Variants in USP40 observed in about 807,000 individuals in gnomAD.
USP40 encodes the protein ubiquitin specific peptidase 40.
Under a neutral mutation model 166.2 loss-of-function variants are expected in USP40, and 143 were observed. That is an observed-to-expected ratio of 0.86 (90% CI 0.75 to 0.99). The LOEUF is 0.99. Among genes scored for constraint, USP40 ranks in the 50% least tolerant of loss-of-function variants. The pLI, the probability that USP40 is intolerant of heterozygous loss-of-function variation, is 0.00. For synonymous variants in USP40, 498 were observed against 524.0 expected (o/e 0.95, Z 0.68); for missense variants, 1,444 against 1,479.7 (o/e 0.98, Z 0.40).
At chr2:233,555,921 T>C (rs2071038704) in intron 5 of USP40, among the ~76,000 whole-genome samples, 1 of 152,128 alleles carries the variant, frequency 6.6e-6, no homozygotes, top group South Asian at 2.1e-4. Context: ...GAGACCATCC[T>C]GGCTAACATG....
rs1406354485 is a variant in USP40, at chr2:233,477,086, T to C, written c.*306A>G. ...CCATACCTGCGGTTCACGCACACGT[T>C]GTGCATTTTCTGGTTAAAAGAAAAA... On this transcript the variant is annotated 3_prime_UTR_variant, in exon 32 of 32. Coordinates refer to ENST00000678225, the MANE Select transcript of USP40 (RefSeq NM_001365479.2). 7.6e-6 allele frequency: 3 copies of C among 392,674 alleles called. No individual in the cohort carries two copies. The highest frequency in any genetic ancestry group is 9.7e-6 in the Non-Finnish European group (2 of 205,286). The allele number at this position is 392,674 out of a possible 1,614,324, so 24.3% of individuals were successfully genotyped here.
At chr2:233,517,783 T>TGTGG (rs2067335467) in intron 18 of USP40, among the ~76,000 whole-genome samples, 1 of 24,550 alleles carries the variant, frequency 4.1e-5, no homozygotes, top group Admixed American at 4.3e-4. Context: ...GAAACTGTGG[T>TGTGG]GTGTGTGTGT....
chr2:233,491,059 A>T (rs979829665), intron 26 of USP40, 108 bp downstream of exon 26: 11 of 883,000 alleles, frequency 1.2e-5, no homozygotes, highest in Non-Finnish European at 1.7e-5. Context: ...GACAAATGCC[A>T]TATCAGAACA....
chr2:233,548,419 T>C (rs76971253), intron 8 of USP40, among the ~76,000 whole-genome samples: 1,943 of 152,310 alleles, frequency 0.013, 38 homozygotes, highest in East Asian at 0.084. Context: ...GTTATCTAAA[T>C]CAATGCTCAT....
In USP40 at chr2:233,480,049, C is replaced by T. The variant is rs2064466874; in HGVS notation, c.3599+1154G>A. Among the ~76,000 whole-genome samples, 1 of 152,302 alleles carries T rather than the reference C, an allele frequency of 6.6e-6. No individual in the cohort carries two copies. The highest frequency in any genetic ancestry group is 2.1e-4 in the South Asian group (1 of 4,822). On this transcript the variant is annotated intron_variant, in intron 31 of 31. Transcript: ENST00000678225. This position sits in a 1 kb window ranked among gnomAD's most constrained non-coding sequence, Gnocchi z 4.5. ...AGCCAGTGATCATGTCAACGCGTCC[C>T]CCTTCACACCCTCCAGCAGCCTCTA...
At chr2:233,535,906 A>T (rs2068901916) in intron 10 of USP40, among the ~76,000 whole-genome samples, 1 of 152,232 alleles carries the variant, frequency 6.6e-6, no homozygotes, top group African/African-American at 2.4e-5. Flanking sequence ...CTTCACCACA[A>T]AAAATAAGTA....
chr2:233,500,262 C>T (rs953517578), intron 21 of USP40, among the ~76,000 whole-genome samples: 3 of 152,120 alleles, frequency 2.0e-5, no homozygotes, highest in Admixed American at 2.0e-4. Context: ...ATTTCATAGA[C>T]ATTAAACTCT....
chr2:233,529,301 A>G, intron 12 of USP40, 130 bp downstream of exon 12: 1 of 708,868 alleles, frequency 1.4e-6, no homozygotes, highest in Non-Finnish European at 2.2e-6. Context: ...TTCAGCAGCC[A>G]AACAGACACT....
chr2:233,488,494 T>G (rs2065097019), intron 27 of USP40, among the ~76,000 whole-genome samples, 190 bp from the exon 28 acceptor site: 1 of 152,172 alleles, frequency 6.6e-6, no homozygotes, highest in South Asian at 2.1e-4. Context: ...GATACTTGAG[T>G]CATTTCTTAC....
intron 8 of USP40, among the ~76,000 whole-genome samples, chr2:233,543,948 C>A (rs1021787338): frequency 6.6e-6 from 1 of 152,188 alleles, no homozygotes; most frequent in African/African-American, 2.4e-5. Flanking sequence ...ACAATCAATT[C>A]TCCAATTCTC....
Position 233,551,439 on chromosome 2 carries a change from G to C in USP40, c.774C>G (p.Arg258=), listed in dbSNP as rs747952403. The part of the protein sequence containing the change: ...RFNFDFVKCE[R]YKETSCYTFP... ...ATGTATAACAGCTAGTTTCCTTGTA[G>C]CGTTCGCATTTCACAAAATCAAAAT... The change falls in exon 7 of 32, where the codon CGC becomes CGG. Residue 258 remains arginine, a synonymous_variant. Coordinates refer to ENST00000678225, the MANE Select transcript of USP40 (RefSeq NM_001365479.2). The C allele has an allele frequency of 6.2e-7, 1 of 1,612,786 alleles. No individual in the cohort carries two copies. Among genetic ancestry groups the C allele is most frequent in the Admixed American group, 1.7e-5 (1 of 59,834 alleles).
intron 12 of USP40, among the ~76,000 whole-genome samples, chr2:233,528,901 G>A (rs1248668452): frequency 6.6e-6 from 1 of 152,182 alleles, no homozygotes; most frequent in Non-Finnish European, 1.5e-5. Flanking sequence ...AGAATGCTGA[G>A]ATCATAAAGT....
At chr2:233,536,360 A>G (rs2068934643) in intron 10 of USP40, among the ~76,000 whole-genome samples, 1 of 152,226 alleles carries the variant, frequency 6.6e-6, no homozygotes, top group African/African-American at 2.4e-5. Context: ...AGAGTGGCTC[A>G]GTGGAAGAAA....
chr2:233,512,653 G>GTATATTATTTTTCTTAA, intron 18 of USP40, 31 bp from the exon 19 acceptor site: 1 of 1,315,534 alleles, frequency 7.6e-7, no homozygotes, highest in Non-Finnish European at 1.0e-6. Context: ...ATTTTTCTTA[G>GTATATTATTTTTCTTAA]AGAGCTAGGA....
chr2:233,531,859 C>T (rs1263377192), intron 11 of USP40, among the ~76,000 whole-genome samples: 1 of 152,102 alleles, frequency 6.6e-6, no homozygotes, highest in Admixed American at 6.6e-5. Context: ...GAGAAGTGAT[C>T]GAAAAATCTT....
chr2:233,558,001 CAAAAAAAAA>C (rs71058563), intron 4 of USP40, among the ~76,000 whole-genome samples: 1 of 51,358 alleles, frequency 1.9e-5, no homozygotes, highest in Non-Finnish European at 3.4e-5. Context: ...GACCTCATCT[CAAAAAAAAA>C]AAAAAAAAAA....
At chr2:233,527,368 G>A (rs184941441) in intron 13 of USP40, 39 bp downstream of exon 13, 2 of 1,594,650 alleles carry the variant, frequency 1.3e-6, no homozygotes, top group South Asian at 2.3e-5. Flanking sequence ...TGGAGATGGT[G>A]CTCGATGTCT....
intron 23 of USP40, among the ~76,000 whole-genome samples, 184 bp from the exon 24 acceptor site, chr2:233,497,016 G>A (rs993126931): frequency 6.6e-6 from 1 of 152,166 alleles, no homozygotes; most frequent in Admixed American, 6.5e-5. Context: ...TTAAATTGTG[G>A]GGCATAAGCT....
chr2:233,561,003 A>G (rs1194507409), intron 3 of USP40: 3 of 890,364 alleles, frequency 3.4e-6, no homozygotes, highest in Non-Finnish European at 5.5e-6. Context: ...GGCAAATTCC[A>G]TTACCCATAG....
Sources: gnomAD v4.1 joint callset for allele counts (sites outside exome capture counted in the v4.1 genomes callset) on GRCh38, gnomAD v4.1.1 for gene constraint, Gnocchi (gnomAD v3.1) non-coding constraint, MANE v1.5 for transcripts, NCBI Gene and HGNC (gene_info 2026-07-23, HGNC 2026-07-21) for gene names.